The following RHOD variants were observed in gnomAD, a reference collection of about 807,000 sequenced individuals.
RHOD encodes the protein ras homolog family member D.
RHOD carries 11 observed loss-of-function variants against 16.7 expected under a neutral mutation model. The ratio of observed to expected loss-of-function variants is 0.66; its 90% CI spans 0.41 to 1.09. The LOEUF (loss-of-function observed/expected upper bound fraction) is 1.09. Among genes scored for constraint, RHOD ranks in the 50% least tolerant of loss-of-function variants. The pLI is 0.00. For missense variants in RHOD, 271 were observed against 291.7 expected (o/e 0.93, Z 0.52); for synonymous variants, 124 against 126.3 (o/e 0.98, Z 0.12).
intron 3 of RHOD, among the ~76,000 whole-genome samples, chr11:67,067,431 G>A (rs1231141290): frequency 6.6e-6 from 1 of 152,154 alleles, no homozygotes; most frequent in East Asian, 1.9e-4. Context: ...GACTGACCAC[G>A]TGCCAGGCAG....
At chr11:67,064,475 G>A (rs534365854) in intron 1 of RHOD, among the ~76,000 whole-genome samples, 2 of 152,086 alleles carry the variant, frequency 1.3e-5, no homozygotes, top group East Asian at 3.9e-4. Flanking sequence ...TTCTGGTAAG[G>A]GATCAGGAAA....
At chr11:67,067,482 G>A (rs913068834) in intron 3 of RHOD, among the ~76,000 whole-genome samples, 45 of 152,228 alleles carry the variant, frequency 3.0e-4, no homozygotes, top group African/African-American at 1.1e-3. Flanking sequence ...TTACTCCCCC[G>A]GCCAACCTTA....
intron 3 of RHOD, 89 bp from the exon 4 acceptor site, chr11:67,070,336 G>T: frequency 1.4e-6 from 2 of 1,393,424 alleles, no homozygotes; most frequent in Non-Finnish European, 2.0e-6. Context: ...CAGAGCTCAG[G>T]CTGGGGAGCA....
At chr11:67,057,512 C>G (rs1018136571) in intron 1 of RHOD, among the ~76,000 whole-genome samples, 1 of 152,206 alleles carries the variant, frequency 6.6e-6, no homozygotes, top group Admixed American at 6.5e-5. Context: ...ACCTCAAGCA[C>G]TCAGCCCCGG....
Position 67,071,622 on chromosome 11 carries a change from C to G in RHOD, c.*20C>G, listed in dbSNP as rs376034373. 59 of 1,571,738 alleles carry G rather than the reference C, an allele frequency of 3.8e-5. No homozygotes were observed. The African/African-American group carries it at 6.9e-4, about 18-fold the overall frequency. ...ACCTGAGCGGCTCGGGGCGTCCCAG[C>G]GACGCGGGAAGGGGCAGGGCGCTGA... On this transcript the variant is annotated 3_prime_UTR_variant, in exon 5 of 5. Transcript: ENST00000308831.
At chr11:67,058,549 G>A (rs1008554627) in intron 1 of RHOD, among the ~76,000 whole-genome samples, 31 of 152,150 alleles carry the variant, frequency 2.0e-4, no homozygotes, top group African/African-American at 7.2e-4. Context: ...GGCCTCAAGC[G>A]ATCTGCCCGC....
chr11:67,067,827 T>C (rs1854977353), intron 3 of RHOD, among the ~76,000 whole-genome samples: 1 of 151,914 alleles, frequency 6.6e-6, no homozygotes, highest in South Asian at 2.1e-4. Context: ...TGAAACGGAG[T>C]CTTGCTCTGT....
Position 67,056,877 on chromosome 11 carries a change from C to G in RHOD, c.-26C>G. 1 of 1,370,002 alleles carries G rather than the reference C, an allele frequency of 7.3e-7. No homozygotes were observed. Among genetic ancestry groups the G allele is most frequent in the African/African-American group, 1.5e-5 (1 of 65,008 alleles). 84.9% of individuals were successfully genotyped at this position (1,370,002 alleles called of 1,614,324 possible). The stretch of plus-strand genomic sequence containing the variant: ...GGGTCTCTGCGCCGCAGCCGCCCGC[C>G]CGCCCGCTCAGCGCCCGGCCCCGGG... On this transcript the variant is annotated 5_prime_UTR_variant, in exon 1 of 5. Coordinates refer to ENST00000308831, the MANE Select transcript of RHOD (RefSeq NM_014578.4).
intron 1 of RHOD, among the ~76,000 whole-genome samples, chr11:67,061,488 C>T (rs1291407415): frequency 2.2e-4 from 33 of 152,014 alleles, no homozygotes; most frequent in African/African-American, 7.0e-4. Context: ...CAAAATTAGC[C>T]GGGCGTGGTG....
intron 1 of RHOD, among the ~76,000 whole-genome samples, chr11:67,064,763 T>C (rs1029167911): frequency 1.1e-4 from 16 of 152,002 alleles, no homozygotes; most frequent in Non-Finnish European, 2.1e-4. Context: ...GGCTCAGAAA[T>C]GGGAGTCCCA....
In RHOD at chr11:67,071,795, T is replaced by C. The variant is rs373805712; in HGVS notation, c.*193T>C. The C allele has an allele frequency of 1.9e-4, 105 of 561,572 alleles. No individual in the cohort carries two copies. In the African/African-American group the frequency reaches 1.9e-3, roughly 10 times the overall value. 34.8% of individuals were successfully genotyped at this position (561,572 alleles called of 1,614,324 possible). A position where few individuals can be genotyped will look rare whatever the true frequency, so the allele number is the denominator to read the frequency against. Reference sequence around the variant, plus strand: ...GGTTCCTGGGCCCACCTGCTCTGTGTAGGGCTCGTCCTGCGGTGCCCGAGA... The same window carrying C: ...GGTTCCTGGGCCCACCTGCTCTGTGCAGGGCTCGTCCTGCGGTGCCCGAGA... On this transcript the variant is annotated 3_prime_UTR_variant, in exon 5 of 5. Coordinates refer to ENST00000308831, the MANE Select transcript of RHOD (RefSeq NM_014578.4).
intron 2 of RHOD, 135 bp from the exon 3 acceptor site, chr11:67,066,603 G>T (rs1390731755): frequency 8.7e-6 from 6 of 688,646 alleles, no homozygotes; most frequent in East Asian, 2.5e-5. Context: ...AGCCAAATTT[G>T]TGCCAAACTC....
At chr11:67,070,399 C>T in intron 3 of RHOD, 26 bp from the exon 4 acceptor site, 1 of 1,612,512 alleles carries the variant, frequency 6.2e-7, no homozygotes, top group Non-Finnish European at 8.5e-7. Flanking sequence ...CACATGCCCC[C>T]CACATGCCCC....
chr11:67,062,146 T>TCAC (rs1224323631), intron 1 of RHOD, among the ~76,000 whole-genome samples: 1 of 152,058 alleles, frequency 6.6e-6, no homozygotes, highest in Non-Finnish European at 1.5e-5. Context: ...GGCGAAGGTG[T>TCAC]CACCACCTGG....
chr11:67,057,098 C>T (rs1399330143), intron 1 of RHOD, 64 bp downstream of exon 1: 11 of 1,353,980 alleles, frequency 8.1e-6, no homozygotes, highest in Non-Finnish European at 1.0e-5. Context: ...CAGGTCCGTG[C>T]CGGAGCGGCC....
At position 67,070,414 on chromosome 11, in the gene RHOD, C is replaced by T; in HGVS notation, c.331-11C>T. 1.2e-6 allele frequency: 2 copies of T among 1,613,510 alleles called. No individual in the cohort carries two copies. The highest frequency in any genetic ancestry group is 1.7e-6 in the Non-Finnish European group (2 of 1,179,666). On this transcript the variant is annotated splice_polypyrimidine_tract_variant and intron_variant, in intron 3 of 4. Coordinates refer to ENST00000308831, the MANE Select transcript of RHOD (RefSeq NM_014578.4). ...CACATGCCCCCCACATGCCCCCTCG[C>T]CCCCCTGCAGTGGTACCCAGAAGTG... is the stretch of plus-strand genomic sequence containing the variant.
intron 3 of RHOD, 180 bp from the exon 4 acceptor site, chr11:67,070,245 G>T: frequency 1.4e-6 from 1 of 720,582 alleles, no homozygotes; most frequent in Non-Finnish European, 2.5e-6. Context: ...GAATTAATGG[G>T]TCCATACGTG....
chr11:67,068,601 A>G (rs553540802), intron 3 of RHOD, among the ~76,000 whole-genome samples: 1 of 152,190 alleles, frequency 6.6e-6, no homozygotes, highest in Admixed American at 6.5e-5. Context: ...TTATTTGAGG[A>G]GTTTGAGACC....
Position 67,071,562 on chromosome 11 carries a change from T to A in RHOD, c.593T>A (p.Phe198Tyr), listed in dbSNP as rs1396812367. 1 of 1,611,360 alleles carries A rather than the reference T, an allele frequency of 6.2e-7. No individual in the cohort carries two copies. Among genetic ancestry groups the A allele is most frequent in the South Asian group, 1.1e-5 (1 of 90,718 alleles). The change falls in exon 5 of 5, where the codon TTC becomes TAC. Residue 198 changes from phenylalanine (F) to tyrosine (Y), a missense_variant. Phe to Tyr is a conservative substitution (Grantham distance 22, BLOSUM62 3). Coordinates refer to ENST00000308831, the MANE Select transcript of RHOD (RefSeq NM_014578.4). ...EVALSSRGRN[F>Y]WRRITQGFCV... ...GCCCTCAGCAGCCGCGGTCGCAACT[T>A]CTGGCGGCGGATTACCCAGGGCTTT...
Sources: allele counts gnomAD v4.1 joint callset (sites outside exome capture counted in the v4.1 genomes callset), GRCh38; gene constraint gnomAD v4.1.1; transcripts MANE v1.5; gene names NCBI Gene and HGNC (gene_info 2026-07-23, HGNC 2026-07-21).